Variants in NEBL observed in about 807,000 individuals in gnomAD.
NEBL encodes the protein LIM and SH3 protein 2.
NEBL carries 122 observed loss-of-function variants against 140.2 expected under a neutral mutation model. The observed-to-expected ratio is 0.87, with a 90% CI of 0.75 to 1.01. NEBL has a LOEUF of 1.01. NEBL is among the 50% of genes least tolerant of loss of function. The pLI is 0.00. For missense variants in NEBL, 1,365 were observed against 1,231.3 expected, an observed-to-expected ratio of 1.11 and a Z score of -1.62; for synonymous variants, 436 against 398.9, an observed-to-expected ratio of 1.09 and a Z score of -1.11.
intron 3 of NEBL, among the ~76,000 whole-genome samples, chr10:21,195,813 A>G (rs1841639376): frequency 6.6e-6 from 1 of 152,226 alleles, no homozygotes; most frequent in African/African-American, 2.4e-5. Context: ...AAAATATACT[A>G]CAATCCAACA....
At chr10:21,261,398 C>T (rs1478554273) in intron 1 of NEBL, among the ~76,000 whole-genome samples, 4 of 152,110 alleles carry the variant, frequency 2.6e-5, no homozygotes, top group Non-Finnish European at 4.4e-5. Context: ...CAGCGGCTCA[C>T]ACTGTAAGCC....
chr10:20,785,486 C>T lies in NEBL; in HGVS notation c.*261G>A. The T allele has an allele frequency of 3.9e-6, 2 of 509,996 alleles. No homozygotes were observed. Among genetic ancestry groups the T allele is most frequent in the African/African-American group, 1.9e-5 (1 of 51,896 alleles). 31.6% of individuals were successfully genotyped at this position (509,996 alleles called of 1,614,324 possible). On this transcript the variant is annotated 3_prime_UTR_variant, in exon 28 of 28. Coordinates refer to ENST00000377122, the MANE Select transcript of NEBL (RefSeq NM_006393.3). ...TACATTTCCCAGAAGGGTTCAATAGCCAATCAAAGGAAACCATGAACACAA... is the reference window on the plus strand; with the variant it reads ...TACATTTCCCAGAAGGGTTCAATAGTCAATCAAAGGAAACCATGAACACAA...
At chr10:20,805,742 A>G (rs1837554111) in intron 26 of NEBL, among the ~76,000 whole-genome samples, 1 of 152,056 alleles carries the variant, frequency 6.6e-6, no homozygotes. Flanking sequence ...AATCCCAGCT[A>G]CTCAGGAGGC....
At chr10:21,073,450 C>G (rs923349654) in intron 2 of NEBL, among the ~76,000 whole-genome samples, 1 of 151,618 alleles carries the variant, frequency 6.6e-6, no homozygotes, top group Non-Finnish European at 1.5e-5. Flanking sequence ...AACCCCATCT[C>G]TACTAAAAAC....
chr10:20,908,540 T>C (rs1848195637), intron 4 of NEBL, among the ~76,000 whole-genome samples: 2 of 152,202 alleles, frequency 1.3e-5, no homozygotes, highest in Admixed American at 1.3e-4. Context: ...GAGGAGCTTT[T>C]CCTGCTTTTC....
intron 3 of NEBL, among the ~76,000 whole-genome samples, chr10:21,196,347 T>TTATC (rs1214772250): frequency 1.6e-4 from 23 of 148,358 alleles, no homozygotes; most frequent in Middle Eastern, 7.2e-3. Flanking sequence ...ATTTATTTAT[T>TTATC]TATCTATTTA....
intron 4 of NEBL, among the ~76,000 whole-genome samples, chr10:20,928,628 C>T (rs1334463926): frequency 1.3e-5 from 2 of 152,188 alleles, no homozygotes. Flanking sequence ...TTTCTGCTTT[C>T]CCTTCTGATC....
Position 20,897,200 on chromosome 10 carries a change from C to A in NEBL, c.6G>T (p.Arg2Ser). M[R>S]VPVFEDIKDE... The stretch of plus-strand genomic sequence containing the variant: ...CTTTTATATCCTCAAATACAGGGAC[C>A]CTCATTTTTACCCTTTAAAATATTT... Residue 2 changes from arginine (R) to serine (S), a missense_variant, in exon 1 of 28, where the codon AGG (arginine) becomes AGT (serine). Arg to Ser is a moderately radical substitution (Grantham distance 110). Around this residue, in one of 2 missense-constraint regions of NEBL, gnomAD observed 1,323 missense variants for 1,154.8 expected, o/e 1.15. Transcript: ENST00000377122. 1 of 1,587,726 alleles carries A rather than the reference C, an allele frequency of 6.3e-7. No individual in the cohort carries two copies. Among genetic ancestry groups the A allele is most frequent in the South Asian group, 1.1e-5 (1 of 88,738 alleles).
rs1589304887 is a variant in NEBL, at chr10:21,167,684, G to A, written c.164+4699C>T. 5.9e-5 allele frequency among the ~76,000 whole-genome samples: 9 copies of A among 152,304 alleles called. 1 individual carries two copies. In the South Asian group the frequency reaches 1.9e-3, roughly 32 times the overall value. Reference sequence around the variant, plus strand: ...AATTAAATAATTTATTTGACAAATGGTCTTAGGGTTTATACTCATTGTGTG... The same window carrying A: ...AATTAAATAATTTATTTGACAAATGATCTTAGGGTTTATACTCATTGTGTG... On this transcript the variant is annotated intron_variant, in intron 2 of 6. Coordinates refer to the NEBL transcript ENST00000417816.
chr10:20,964,420 G>T (rs765552776), intron 3 of NEBL, among the ~76,000 whole-genome samples: 14 of 152,164 alleles, frequency 9.2e-5, no homozygotes, highest in Non-Finnish European at 1.9e-4. Flanking sequence ...ATCTGCTTCT[G>T]GTCAGAGCCT....
Position 21,194,703 on chromosome 10 carries a change from A to G in NEBL, n.349-22226T>C, listed in dbSNP as rs369461000. On this transcript the variant is annotated intron_variant and non_coding_transcript_variant, in intron 3 of 8. Coordinates refer to the NEBL transcript ENST00000675702. ...TTGAGGCCACACAGAGCCTCTCCCC[A>G]GATCTGTCCTGCACAATCCAATTAC... Among the ~76,000 whole-genome samples the G allele has an allele frequency of 3.9e-5, 6 of 152,254 alleles. No individual in the cohort carries two copies. In the East Asian group the frequency reaches 1.2e-3, roughly 29 times the overall value.
At chr10:21,099,581 A>T (rs1037716006) in intron 2 of NEBL, among the ~76,000 whole-genome samples, 2 of 152,016 alleles carry the variant, frequency 1.3e-5, no homozygotes, top group Non-Finnish European at 2.9e-5. Flanking sequence ...AACTCATCTG[A>T]TTCACTTCAG....
intron 13 of NEBL, 64 bp downstream of exon 13, chr10:20,840,675 G>C (rs1841328480): frequency 9.0e-7 from 1 of 1,105,352 alleles, no homozygotes; most frequent in Admixed American, 1.8e-5. Flanking sequence ...CTTTGAGAAA[G>C]ATTGACAAAT....
chr10:21,238,540 A>G (rs983770340), intron 3 of NEBL, among the ~76,000 whole-genome samples: 2 of 146,464 alleles, frequency 1.4e-5, no homozygotes, highest in African/African-American at 5.0e-5. Flanking sequence ...TCTCTACTGA[A>G]AAAAAAAAAA....
At chr10:21,138,407 T>C (rs1050106532) in intron 2 of NEBL, among the ~76,000 whole-genome samples, 73 of 152,228 alleles carry the variant, frequency 4.8e-4, no homozygotes, top group Admixed American at 2.1e-3. Flanking sequence ...ATCTTTATAA[T>C]AAATGGACTG....
At position 21,032,444 on chromosome 10, in the gene NEBL, G is replaced by A. The variant is rs369617544; in HGVS notation, c.165-12243C>T. ...GCCTATCTTCCTGTAGTGTTGATGCGATGTCTATTCATGAATTTCCTTCCA... is the reference window on the plus strand; with the variant it reads ...GCCTATCTTCCTGTAGTGTTGATGCAATGTCTATTCATGAATTTCCTTCCA... On this transcript the variant is annotated intron_variant, in intron 2 of 6. Transcript: ENST00000417816. 2.8e-4 allele frequency among the ~76,000 whole-genome samples: 42 copies of A among 152,230 alleles called. No homozygotes were observed. In the South Asian group the frequency reaches 7.5e-3, roughly 27 times the overall value.
intron 3 of NEBL, among the ~76,000 whole-genome samples, chr10:21,197,788 G>A (rs1473725339): frequency 6.6e-6 from 1 of 152,184 alleles, no homozygotes; most frequent in East Asian, 1.9e-4. Context: ...ACATACCAGT[G>A]AAACTACTGA....
At position 20,780,853 on chromosome 10, in the gene NEBL, T is replaced by C. The variant is rs1229728605; in HGVS notation, c.*4894A>G. On this transcript the variant is annotated 3_prime_UTR_variant, in exon 28 of 28. Coordinates refer to ENST00000377122, the MANE Select transcript of NEBL (RefSeq NM_006393.3). The stretch of plus-strand genomic sequence containing the variant: ...ATCTGTCATTCCTGGTTTGCCGTCA[T>C]TTAAGTAGTTTCAATAGATAAATCG... The C allele has an allele frequency of 6.6e-6, 1 of 152,228 alleles. No individual in the cohort carries two copies. The highest frequency in any genetic ancestry group is 6.5e-5 in the Admixed American group (1 of 15,278). The allele number at this position is 152,228 out of a possible 1,614,324, so 9.4% of individuals were successfully genotyped here.
At chr10:20,913,127 A>C (rs915186682) in intron 4 of NEBL, among the ~76,000 whole-genome samples, 3 of 152,086 alleles carry the variant, frequency 2.0e-5, no homozygotes, top group Non-Finnish European at 4.4e-5. Context: ...GAAATAGAAC[A>C]TCCAGGTGGA....
Sources: gnomAD v4.1 joint callset for allele counts (sites outside exome capture counted in the v4.1 genomes callset) on GRCh38, gnomAD v4.1.1 for gene constraint, gnomAD v4.1.1 regional missense constraint, MANE v1.5 for transcripts, NCBI Gene and HGNC (gene_info 2026-07-23, HGNC 2026-07-21) for gene names.